Variants in ERG observed in about 807,000 individuals in gnomAD.
ERG encodes transcriptional regulator ERG.
Under a neutral mutation model 55.3 loss-of-function variants are expected in ERG, and 9 were observed. The ratio of observed to expected loss-of-function variants is 0.16; its 90% CI spans 0.10 to 0.28. The LOEUF is 0.28. Ranked by LOEUF, ERG falls within the 10% of genes least tolerant of loss-of-function variation. ERG has a pLI of 1.00. For synonymous variants in ERG, 223 were observed against 237.3 expected, an observed-to-expected ratio of 0.94 and a Z score of 0.55; for missense variants, 434 against 631.6, an observed-to-expected ratio of 0.69 and a Z score of 3.35.
rs148974213 is a variant in ERG, at chr21:38,551,534, T to C, written c.-41+24128A>G. Among the ~76,000 whole-genome samples the C allele has an allele frequency of 7.2e-3, 1,093 of 152,316 alleles. 8 individuals are homozygous for C. The highest frequency in any genetic ancestry group is 0.012 in the Admixed American group (188 of 15,300). On this transcript the variant is annotated intron_variant, in intron 2 of 8. Transcript: ENST00000398897. The stretch of plus-strand genomic sequence containing the variant: ...ATTGCTTTAACTGTATCCCAGAGAT[T>C]CTGGTATGGTGTATCTTTGTTTTCA...
intron 1 of ERG, among the ~76,000 whole-genome samples, chr21:38,658,818 C>A (rs944224916): frequency 3.9e-5 from 6 of 152,168 alleles, no homozygotes; most frequent in Admixed American, 3.9e-4. Flanking sequence ...CAAGGTTTTT[C>A]TTTAATATAA....
At chr21:38,613,128 C>T (rs77903141) in intron 1 of ERG, among the ~76,000 whole-genome samples, 3 of 152,098 alleles carry the variant, frequency 2.0e-5, no homozygotes, top group South Asian at 2.1e-4. Flanking sequence ...TTTTAAGCAC[C>T]GCATAGGAAG....
At chr21:38,592,880 T>C (rs532497695) in intron 1 of ERG, among the ~76,000 whole-genome samples, 2 of 152,350 alleles carry the variant, frequency 1.3e-5, no homozygotes, top group South Asian at 4.1e-4. Context: ...TTTCATTTCA[T>C]GTTGCTTTGG....
intron 1 of ERG, among the ~76,000 whole-genome samples, chr21:38,481,259 G>A (rs1266364558): frequency 6.6e-6 from 1 of 152,194 alleles, no homozygotes; most frequent in Non-Finnish European, 1.5e-5. Context: ...ATTGCCAAAT[G>A]CATGCTTTAC....
At chr21:38,426,789 G>A (rs1601382410) in intron 2 of ERG, among the ~76,000 whole-genome samples, 1 of 151,812 alleles carries the variant, frequency 6.6e-6, no homozygotes, top group East Asian at 2.0e-4. Context: ...AATTAGCCGG[G>A]CGTGGTGGTG....
At chr21:38,468,982 C>CAAAAAAAAAAAAAAAAAAAAAAAA in intron 1 of ERG, among the ~76,000 whole-genome samples, 1 of 29,044 alleles carries the variant, frequency 3.4e-5, no homozygotes, top group Non-Finnish European at 6.7e-5. Context: ...GACTCTGTCT[C>CAAAAAAAAAAAAAAAAAAAAAAAA]AAAAAAAAAA....
chr21:38,502,061 A>G (rs992185627), upstream of ERG, among the ~76,000 whole-genome samples: 3 of 152,222 alleles, frequency 2.0e-5, no homozygotes, highest in African/African-American at 7.2e-5. Context: ...TGACAGCCAC[A>G]TGGTTCTCAA....
At chr21:38,519,149 C>T (rs1048258875) in intron 2 of ERG, among the ~76,000 whole-genome samples, 3 of 152,148 alleles carry the variant, frequency 2.0e-5, no homozygotes, top group Non-Finnish European at 4.4e-5. Context: ...AGATGTGGAG[C>T]AATAAGAACT....
At chr21:38,392,581 T>C in intron 6 of ERG, 137 bp from the exon 7 acceptor site, 2 of 584,968 alleles carry the variant, frequency 3.4e-6, no homozygotes, top group Non-Finnish European at 5.7e-6. Flanking sequence ...AATATCCCAC[T>C]AGATTTGAGT....
At chr21:38,573,657 C>G (rs1388132877) in intron 2 of ERG, among the ~76,000 whole-genome samples, 2 of 152,332 alleles carry the variant, frequency 1.3e-5, no homozygotes, top group East Asian at 3.9e-4. Flanking sequence ...TCACCCTGCT[C>G]TCCTACTACA....
chr21:38,368,946 C>A, the ERG span, among the ~76,000 whole-genome samples: 2 of 152,188 alleles, frequency 1.3e-5, no homozygotes, highest in African/African-American at 2.4e-5. Context: ...AGGACATGAT[C>A]TCATTCTTTT....
upstream of ERG, among the ~76,000 whole-genome samples, chr21:38,501,313 C>T (rs558927213): frequency 5.9e-5 from 9 of 152,000 alleles, no homozygotes; most frequent in Admixed American, 3.9e-4. Flanking sequence ...ATGATCCACC[C>T]GCCTCAGCCT....
intron 1 of ERG, among the ~76,000 whole-genome samples, chr21:38,467,827 T>C (rs2059104154): frequency 6.6e-6 from 1 of 152,238 alleles, no homozygotes; most frequent in East Asian, 1.9e-4. Context: ...CTTTCTGGAA[T>C]ATGATGTAGA....
At chr21:38,642,306 G>C (rs1378374157) in intron 1 of ERG, among the ~76,000 whole-genome samples, 1 of 152,236 alleles carries the variant, frequency 6.6e-6, no homozygotes, top group African/African-American at 2.4e-5. Context: ...TTATGTCTGA[G>C]TGCAGAAAGA....
intron 1 of ERG, among the ~76,000 whole-genome samples, chr21:38,619,149 G>A (rs61121259): frequency 0.077 from 11,786 of 152,100 alleles, 903 homozygotes; most frequent in African/African-American, 0.21. Flanking sequence ...CCTGTAGACC[G>A]ACTTCCTTCC....
chr21:38,538,844 T>G (rs546201741), intron 2 of ERG, among the ~76,000 whole-genome samples: 97 of 152,010 alleles, frequency 6.4e-4, no homozygotes, highest in African/African-American at 2.2e-3. Flanking sequence ...ACTGTACTTC[T>G]CCGAGACTCA....
chr21:38,612,896 C>T (rs1336623500), intron 1 of ERG, among the ~76,000 whole-genome samples: 2 of 152,034 alleles, frequency 1.3e-5, no homozygotes, highest in African/African-American at 2.4e-5. Context: ...CTCCTGACCT[C>T]GTGATCCACC....
At chr21:38,640,579 G>A (rs1429009152) in intron 1 of ERG, among the ~76,000 whole-genome samples, 1 of 152,112 alleles carries the variant, frequency 6.6e-6, no homozygotes, top group Non-Finnish European at 1.5e-5. Flanking sequence ...TTTATGAGGG[G>A]AAACCCCTTT....
At chr21:38,421,507 C>T (rs1309862285) in intron 3 of ERG, among the ~76,000 whole-genome samples, 2 of 152,170 alleles carry the variant, frequency 1.3e-5, no homozygotes, top group Non-Finnish European at 2.9e-5. Context: ...TGACAGAAGC[C>T]CACTGGGCAT....
Sources: gnomAD v4.1 joint callset for allele counts (sites outside exome capture counted in the v4.1 genomes callset) on GRCh38, gnomAD v4.1.1 for gene constraint, MANE v1.5 for transcripts, NCBI Gene and HGNC (gene_info 2026-07-23, HGNC 2026-07-21) for gene names.